The following ITGBL1 variants were observed in gnomAD, a reference collection of about 807,000 sequenced individuals.
The protein encoded by ITGBL1 is integrin beta-like protein 1.
Under a neutral mutation model 68.5 loss-of-function variants are expected in ITGBL1, and 51 were observed. The observed-to-expected ratio is 0.74, with a 90% confidence interval of 0.59 to 0.94. The LOEUF (loss-of-function observed/expected upper bound fraction) is 0.94. ITGBL1 is among the 40% of genes least tolerant of loss of function. The pLI, the probability that ITGBL1 is intolerant of heterozygous loss-of-function variation, is 0.00. For synonymous variants in ITGBL1, 209 were observed against 227.3 expected (o/e 0.92, Z 0.72); for missense variants, 649 against 647.4 (o/e 1.00, Z -0.03).
chr13:101,633,039 G>T (rs1002925081), intron 7 of ITGBL1, among the ~76,000 whole-genome samples: 1 of 152,194 alleles, frequency 6.6e-6, no homozygotes, highest in Admixed American at 6.6e-5. Context: ...TGCTGGCACT[G>T]CTGGTCCAGG....
At chr13:101,461,275 A>G (rs985506096) in intron 2 of ITGBL1, among the ~76,000 whole-genome samples, 2 of 152,184 alleles carry the variant, frequency 1.3e-5, no homozygotes, top group African/African-American at 2.4e-5. Context: ...TAAAACTGAC[A>G]TCGCATGTTC....
In ITGBL1 at chr13:101,494,631, T is replaced by C. The variant is rs527993300; in HGVS notation, c.316+40531T>C. 7.2e-5 allele frequency among the ~76,000 whole-genome samples: 11 copies of C among 152,328 alleles called. No individual in the cohort carries two copies. In the East Asian group the frequency reaches 1.5e-3, roughly 21 times the overall value. ...TGATGGCTATAATAGCCAAGTGTTA[T>C]AGGCAAATTGTGTATCCAATAATAT... On this transcript the variant is annotated intron_variant, in intron 2 of 10. Transcript: ENST00000376180.
chr13:101,714,146 C>G (rs892996271), intron 9 of ITGBL1: 12 of 295,342 alleles, frequency 4.1e-5, no homozygotes, highest in Non-Finnish European at 6.2e-5. Flanking sequence ...GGAAGACCAT[C>G]TATAAGAATC....
chr13:101,704,557 T>C (rs1291243373), intron 8 of ITGBL1, among the ~76,000 whole-genome samples: 1 of 150,504 alleles, frequency 6.6e-6, no homozygotes, highest in Non-Finnish European at 1.5e-5. Flanking sequence ...CAAGAGAATT[T>C]TGTGGCATGC....
chr13:101,602,497 G>A (rs550301174), intron 7 of ITGBL1, among the ~76,000 whole-genome samples: 3 of 151,912 alleles, frequency 2.0e-5, no homozygotes, highest in African/African-American at 7.2e-5. Flanking sequence ...TTCAAGAAAG[G>A]AAACAAAGAC....
chr13:101,501,197 G>A (rs954612939), intron 2 of ITGBL1, among the ~76,000 whole-genome samples: 1 of 152,152 alleles, frequency 6.6e-6, no homozygotes, highest in East Asian at 1.9e-4. Flanking sequence ...TTCAGGAAAG[G>A]AAGGGTGAAA....
chr13:101,706,943 G>T, intron 9 of ITGBL1, 41 bp downstream of exon 9: 2 of 1,593,004 alleles, frequency 1.3e-6, no homozygotes, highest in South Asian at 2.3e-5. Context: ...TTCCTGTTCT[G>T]ACACATGATT....
At chr13:101,475,321 C>T (rs1377342552) in intron 2 of ITGBL1, among the ~76,000 whole-genome samples, 4 of 151,904 alleles carry the variant, frequency 2.6e-5, no homozygotes, top group African/African-American at 9.7e-5. Context: ...TATCTATCAA[C>T]CACAGAATTG....
At chr13:101,586,613 T>G (rs2139297647) in intron 6 of ITGBL1, among the ~76,000 whole-genome samples, 1 of 152,354 alleles carries the variant, frequency 6.6e-6, no homozygotes, top group East Asian at 1.9e-4. Context: ...GCCATAAAAG[T>G]GTCATCTGAA....
intron 2 of ITGBL1, among the ~76,000 whole-genome samples, chr13:101,467,338 AAG>A (rs1458860739): frequency 1.3e-5 from 2 of 152,226 alleles, no homozygotes; most frequent in Non-Finnish European, 2.9e-5. Context: ...ATTTAAAGGC[AAG>A]AGTCACATCT....
rs139631549 is a variant in ITGBL1, at chr13:101,706,779, C to G, written c.1156C>G (p.Arg386Gly). ...AGGCCACGGCACATGTTCCTGTGGT[C>G]GCTGTGTTTGTGAGAGAGGATGGTT... ...CGGHGTCSCG[R>G]CVCERGWFGK... is the part of the protein sequence containing the mutation. Residue 386 changes from arginine (R) to glycine (G), a missense_variant, in exon 9 of 11, where the codon CGC becomes GGC. Transcript: ENST00000376180. 4 of 1,613,920 alleles carry G rather than the reference C, an allele frequency of 2.5e-6. No individual in the cohort carries two copies. In the African/African-American group the frequency reaches 5.3e-5, roughly 22 times the overall value.
intron 7 of ITGBL1, among the ~76,000 whole-genome samples, chr13:101,690,920 A>T (rs2033870320): frequency 6.6e-6 from 1 of 152,144 alleles, no homozygotes; most frequent in Non-Finnish European, 1.5e-5. Flanking sequence ...AAAATATTTT[A>T]TTAGAAGGCT....
At chr13:101,589,238 T>C (rs2050610447) in intron 6 of ITGBL1, among the ~76,000 whole-genome samples, 1 of 152,212 alleles carries the variant, frequency 6.6e-6, no homozygotes, top group Non-Finnish European at 1.5e-5. Flanking sequence ...AGGCTAGAAT[T>C]ATAGAAAGTT....
chr13:101,600,044 C>T lies in ITGBL1; in HGVS notation c.1015+1745C>T, dbSNP rs376603652. Among the ~76,000 whole-genome samples, 126 of 152,272 alleles carry T rather than the reference C, an allele frequency of 8.3e-4. 1 individual carries two copies. The highest frequency in any genetic ancestry group is 2.5e-3 in the African/African-American group (104 of 41,552). ...ACCTTGGGCAGTATGGCCATTTTCA[C>T]GATATTGATTCTTCCTATCCATGAG... On this transcript the variant is annotated intron_variant, in intron 7 of 10. Transcript: ENST00000376180.
At chr13:101,682,201 T>C (rs1438205232) in intron 7 of ITGBL1, among the ~76,000 whole-genome samples, 4 of 152,178 alleles carry the variant, frequency 2.6e-5, no homozygotes, top group Non-Finnish European at 5.9e-5. Context: ...TGTGAACCAA[T>C]GAAACTACTA....
intron 2 of ITGBL1, among the ~76,000 whole-genome samples, chr13:101,483,260 G>A (rs1307531356): frequency 1.3e-5 from 2 of 152,112 alleles, no homozygotes; most frequent in African/African-American, 4.8e-5. Flanking sequence ...CTGTCCTTCA[G>A]CCAATCACAA....
intron 7 of ITGBL1, among the ~76,000 whole-genome samples, chr13:101,626,477 A>G (rs1022815834): frequency 2.0e-5 from 3 of 152,176 alleles, no homozygotes; most frequent in African/African-American, 7.2e-5. Context: ...CCCGAGAGAT[A>G]GCCCTTTTGC....
rs149368172 is a variant in ITGBL1, at chr13:101,688,046, AAAT to A, written c.1016-4525_1016-4523del. Among the ~76,000 whole-genome samples, 458 of 152,166 alleles carry A rather than the reference AAAT, an allele frequency of 3.0e-3. 2 individuals carry two copies. Among genetic ancestry groups the A allele is most frequent in the Non-Finnish European group, 5.2e-3 (353 of 67,996 alleles). ...CTCCATAACAGTAAAACAATCACTGAAATAATAATAATAATATTATTTAGTAAA... is the reference window on the plus strand; with the variant it reads ...CTCCATAACAGTAAAACAATCACTGAAATAATAATAATATTATTTAGTAAA... On this transcript the variant is annotated intron_variant, in intron 7 of 10. Transcript: ENST00000376180.
chr13:101,614,976 A>G (rs1467064324), intron 7 of ITGBL1, among the ~76,000 whole-genome samples: 2 of 152,124 alleles, frequency 1.3e-5, no homozygotes, highest in Non-Finnish European at 2.9e-5. Flanking sequence ...GGCTGCAAAA[A>G]CAAATGACCA....
Sources: allele counts gnomAD v4.1 joint callset (sites outside exome capture counted in the v4.1 genomes callset), GRCh38; gene constraint gnomAD v4.1.1; transcripts MANE v1.5; gene names NCBI Gene and HGNC (gene_info 2026-07-23, HGNC 2026-07-21).